ZMYM2: variants seen among roughly 807,000 people sequenced by gnomAD.
The protein encoded by ZMYM2 is zinc finger MYM-type protein 2.
In ZMYM2, 56 loss-of-function variants were observed where a neutral mutation model predicts 162.8. The ratio of observed to expected loss-of-function variants is 0.34; its 90% CI spans 0.28 to 0.43. ZMYM2 has a LOEUF of 0.43. Among genes scored for constraint, ZMYM2 ranks in the 20% least tolerant of loss-of-function variants. ZMYM2 has a pLI of 1.00. For missense variants in ZMYM2, 1,275 were observed against 1,621.8 expected, an observed-to-expected ratio of 0.79 and a Z score of 3.67; for synonymous variants, 510 against 541.6, an observed-to-expected ratio of 0.94 and a Z score of 0.81.
At chr13:19,892,904 G>A in the ZMYM2 span, among the ~76,000 whole-genome samples, 2,373 of 150,988 alleles carry the variant, frequency 0.016, 66 homozygotes, top group African/African-American at 0.042. Context: ...TAGTAGAGAC[G>A]GGGTTTCACC....
At chr13:19,873,472 G>A in the ZMYM2 span, among the ~76,000 whole-genome samples, 66 of 151,896 alleles carry the variant, frequency 4.3e-4, 1 homozygote, top group African/African-American at 8.7e-4. Context: ...GCAGTGGCGC[G>A]ATCTTGGCTC....
chr13:19,916,804 A>G, the ZMYM2 span, among the ~76,000 whole-genome samples: 3 of 152,170 alleles, frequency 2.0e-5, no homozygotes, highest in Non-Finnish European at 2.9e-5. Flanking sequence ...GGGCGCATGT[A>G]TACATATGTA....
At chr13:20,006,267 C>T in intron 5 of ZMYM2, 107 bp from the exon 6 acceptor site, 2 of 1,172,648 alleles carry the variant, frequency 1.7e-6, no homozygotes, top group Non-Finnish European at 1.1e-6. Flanking sequence ...TTCCTTTTCT[C>T]CAAACAAGCC....
At chr13:20,043,966 A>G (rs1026793112) in intron 12 of ZMYM2, among the ~76,000 whole-genome samples, 5 of 151,942 alleles carry the variant, frequency 3.3e-5, no homozygotes, top group Admixed American at 2.0e-4. Context: ...CTTCTAGGAC[A>G]CTCGAGGCTG....
the ZMYM2 span, among the ~76,000 whole-genome samples, chr13:19,917,214 G>T: frequency 6.6e-6 from 1 of 151,856 alleles, no homozygotes; most frequent in Non-Finnish European, 1.5e-5. Flanking sequence ...CGCCCGCCTT[G>T]GCCTCCCAAA....
intron 3 of ZMYM2, among the ~76,000 whole-genome samples, chr13:20,000,381 A>G (rs943141598): frequency 2.0e-5 from 3 of 152,238 alleles, no homozygotes; most frequent in African/African-American, 4.8e-5. Context: ...CAGAAGATCT[A>G]AGATAATTGA....
chr13:19,881,910 A>T, the ZMYM2 span, among the ~76,000 whole-genome samples: 1 of 149,084 alleles, frequency 6.7e-6, no homozygotes, highest in African/African-American at 2.5e-5. Context: ...TGAACTTGGG[A>T]GGCAGCAGCT....
In ZMYM2 at chr13:20,003,115, ACT is replaced by A; in HGVS notation, c.1116_1117del (p.Val374TyrfsTer3). 1.2e-6 allele frequency: 2 copies of A among 1,614,012 alleles called. No individual in the cohort carries two copies. The highest frequency in any genetic ancestry group is 8.5e-7 in the Non-Finnish European group (1 of 1,179,962). ...SFSHKPAPKK[L>X]CVMCKKDITT... Reference sequence around the variant, plus strand: ...TCTCCCACAAGCCTGCTCCAAAGAAACTCTGTGTTATGTGTAAAAAGTAAGGT... The same window carrying A: ...TCTCCCACAAGCCTGCTCCAAAGAAACTGTGTTATGTGTAAAAAGTAAGGT... On this transcript the variant is annotated frameshift_variant, in exon 4 of 25. Coordinates refer to ENST00000610343, the MANE Select transcript of ZMYM2 (RefSeq NM_197968.4). LOFTEE classifies it high-confidence loss of function.
At chr13:20,010,454 T>C (rs1951081766) in intron 6 of ZMYM2, among the ~76,000 whole-genome samples, 1 of 152,116 alleles carries the variant, frequency 6.6e-6, no homozygotes, top group South Asian at 2.1e-4. Flanking sequence ...CTGCCTGCCT[T>C]GGCCTTCCAA....
chr13:19,922,633 A>T, the ZMYM2 span, among the ~76,000 whole-genome samples: 1 of 151,964 alleles, frequency 6.6e-6, no homozygotes, highest in African/African-American at 2.4e-5. Flanking sequence ...TCACGAGGTC[A>T]GGAGATCGAG....
chr13:20,046,177 A>C (rs1954764401), intron 12 of ZMYM2, among the ~76,000 whole-genome samples: 1 of 151,944 alleles, frequency 6.6e-6, no homozygotes, highest in African/African-American at 2.4e-5. Context: ...GCTTGAGCCC[A>C]GGAGTTCGAG....
the ZMYM2 span, among the ~76,000 whole-genome samples, chr13:19,922,567 G>A: frequency 6.6e-6 from 1 of 152,086 alleles, no homozygotes; most frequent in African/African-American, 2.4e-5. Flanking sequence ...GTGGTTGGCC[G>A]GATGTCGTGG....
chr13:19,960,377 A>G (rs1005250554), intron 2 of ZMYM2, among the ~76,000 whole-genome samples: 3 of 152,240 alleles, frequency 2.0e-5, no homozygotes, highest in South Asian at 2.1e-4. Flanking sequence ...TTCTTGTTGA[A>G]TGCTGTGCAT....
In ZMYM2 at chr13:20,085,961, G is replaced by T; in HGVS notation, c.4081G>T (p.Val1361Leu). Residue 1361 changes from valine to leucine, a missense_variant, in exon 25 of 25, where the codon GTA becomes TTA. Physicochemically the swap from Val to Leu is conservative, Grantham distance 32. Coordinates refer to ENST00000610343, the MANE Select transcript of ZMYM2 (RefSeq NM_197968.4). ...LENMLVRVLL[V>L]KDIYDKDNYE... ...AAATATGCTTGTACGGGTTCTTCTA[G>T]TAAAAGATATTTATGATAAAGACAA... The T allele has an allele frequency of 6.2e-7, 1 of 1,613,710 alleles. No individual in the cohort carries two copies. Among genetic ancestry groups the T allele is most frequent in the Non-Finnish European group, 8.5e-7 (1 of 1,179,716 alleles).
intron 2 of ZMYM2, among the ~76,000 whole-genome samples, chr13:19,984,426 G>T (rs975599086): frequency 3.9e-5 from 6 of 152,210 alleles, no homozygotes; most frequent in Non-Finnish European, 8.8e-5. Flanking sequence ...TAATTGTTTA[G>T]GAGTTAGGTA....
intron 2 of ZMYM2, among the ~76,000 whole-genome samples, chr13:19,987,269 T>TG (rs1397257018): frequency 6.7e-6 from 1 of 149,528 alleles, no homozygotes; most frequent in Non-Finnish European, 1.5e-5. Flanking sequence ...GCAGCTCTTA[T>TG]TTTTTTTTTC....
intron 13 of ZMYM2, 38 bp downstream of exon 13, chr13:20,051,636 A>G (rs749719351): frequency 2.6e-6 from 4 of 1,568,154 alleles, no homozygotes; most frequent in South Asian, 2.4e-5. Context: ...AAAACCCTGT[A>G]CATCAGTCTT....
the ZMYM2 span, among the ~76,000 whole-genome samples, chr13:19,882,808 T>C: frequency 6.6e-6 from 1 of 151,954 alleles, no homozygotes; most frequent in Non-Finnish European, 1.5e-5. Flanking sequence ...AAATTGCCAG[T>C]GGGAATATAA....
the ZMYM2 span, among the ~76,000 whole-genome samples, chr13:19,947,691 C>T: frequency 6.6e-6 from 1 of 150,552 alleles, no homozygotes; most frequent in Non-Finnish European, 1.5e-5. Context: ...CTAGGCTAGT[C>T]TCGAATTGTC....
Sources: gnomAD v4.1 joint callset for allele counts (sites outside exome capture counted in the v4.1 genomes callset) on GRCh38, gnomAD v4.1.1 for gene constraint, MANE v1.5 for transcripts, NCBI Gene and HGNC (gene_info 2026-07-23, HGNC 2026-07-21) for gene names.